Variants in DAAM2 observed in about 807,000 individuals in gnomAD.
DAAM2 encodes disheveled-associated activator of morphogenesis 2.
In DAAM2, 39 loss-of-function variants were observed where a neutral mutation model predicts 120.7. The observed-to-expected ratio is 0.32, with a 90% CI of 0.25 to 0.42. The LOEUF (loss-of-function observed/expected upper bound fraction) is 0.42. Among genes scored for constraint, DAAM2 ranks in the 10% least tolerant of loss-of-function variants. The probability of loss-of-function intolerance (pLI) is 1.00; values close to 1 mark genes in which losing one functional copy is unlikely to be tolerated. For synonymous variants in DAAM2, 488 were observed against 524.9 expected, an observed-to-expected ratio of 0.93 and a Z score of 0.96; for missense variants, 1,283 against 1,401.7, an observed-to-expected ratio of 0.92 and a Z score of 1.35.
chr6:39,826,385 A>G (rs1350119808), intron 1 of DAAM2, among the ~76,000 whole-genome samples: 1 of 152,094 alleles, frequency 6.6e-6, no homozygotes, highest in African/African-American at 2.4e-5. Context: ...GGGCTATTCT[A>G]GGAAAGCAAG....
intron 1 of DAAM2, among the ~76,000 whole-genome samples, chr6:39,806,596 C>T (rs1762015379): frequency 6.6e-6 from 1 of 152,150 alleles, no homozygotes; most frequent in Non-Finnish European, 1.5e-5. Context: ...TGTCTCATAG[C>T]CAGGATGCAA....
intron 1 of DAAM2, among the ~76,000 whole-genome samples, chr6:39,843,855 T>C (rs1268737474): frequency 2.6e-5 from 4 of 152,130 alleles, no homozygotes; most frequent in Non-Finnish European, 5.9e-5. Context: ...AGATGGGAAG[T>C]GCACCATAGG....
In DAAM2 at chr6:39,879,442, C is replaced by T. The variant is rs1765023864; in HGVS notation, c.1810C>T (p.Pro604Ser). The change falls in exon 14 of 25, where the codon CCA becomes TCA. Residue 604 changes from proline to serine, a missense_variant. Physicochemically the swap from Pro to Ser is moderately conservative, Grantham distance 74. Around this residue, in one of 3 missense-constraint regions of DAAM2, gnomAD observed 748 missense variants for 768.6 expected, o/e 0.97. Transcript: ENST00000274867. Reference protein sequence around the residue: ...RKKRVPQPSHPLKSFNWVKLN... With the variant: ...RKKRVPQPSHSLKSFNWVKLN... Reference sequence around the variant, plus strand: ...AAAGCGTGTCCCCCAGCCTTCTCACCCACTGAAGTCCTTCAACTGGGTGAA... The same window carrying T: ...AAAGCGTGTCCCCCAGCCTTCTCACTCACTGAAGTCCTTCAACTGGGTGAA... The T allele has an allele frequency of 5.0e-6, 8 of 1,614,042 alleles. No individual in the cohort carries two copies. Among genetic ancestry groups the T allele is most frequent in the Non-Finnish European group, 6.8e-6 (8 of 1,179,902 alleles).
At chr6:39,796,912 T>C (rs1394117488) in intron 1 of DAAM2, among the ~76,000 whole-genome samples, 1 of 152,200 alleles carries the variant, frequency 6.6e-6, no homozygotes, top group Non-Finnish European at 1.5e-5. Flanking sequence ...GCTAGCAAAC[T>C]GCTCAGTAAA....
At chr6:39,796,458 G>A (rs1761701851) in intron 1 of DAAM2, among the ~76,000 whole-genome samples, 1 of 151,662 alleles carries the variant, frequency 6.6e-6, no homozygotes. Flanking sequence ...TTTGTTTTTT[G>A]TTTCATTATG....
chr6:39,842,933 G>C (rs781553567), intron 1 of DAAM2, among the ~76,000 whole-genome samples: 15 of 152,196 alleles, frequency 9.9e-5, no homozygotes, highest in Admixed American at 7.9e-4. Context: ...ATGTTTCAAA[G>C]CTAAAATAGT....
In DAAM2 at chr6:39,810,179, CG is replaced by C. The variant is rs1266708684; in HGVS notation, c.-57+17720del. On this transcript the variant is annotated intron_variant, in intron 1 of 24. Transcript: ENST00000274867. ...AGAGGTCCCAAACTGCAGTGGAGTC[CG>C]GGGGGAAGCTGAACATTTTTTAATT... Among the ~76,000 whole-genome samples the C allele has an allele frequency of 3.9e-5, 6 of 152,032 alleles. No individual in the cohort carries two copies. In the South Asian group the frequency reaches 1.0e-3, roughly 26 times the overall value.
intron 14 of DAAM2, among the ~76,000 whole-genome samples, chr6:39,880,518 C>T (rs1765071091): frequency 6.6e-6 from 1 of 152,158 alleles, no homozygotes; most frequent in Non-Finnish European, 1.5e-5. Context: ...CCTCTCAGAG[C>T]TTAGGATCTG....
In DAAM2 at chr6:39,879,428, C is replaced by T. The variant is rs758299573; in HGVS notation, c.1796C>T (p.Pro599Leu). The part of the protein sequence containing the change: ...SDVPLRKKRV[P>L]QPSHPLKSFN... ...GTCCCACTCAGGAAAAAGCGTGTCCCCCAGCCTTCTCACCCACTGAAGTCC... is the reference window on the plus strand; with the variant it reads ...GTCCCACTCAGGAAAAAGCGTGTCCTCCAGCCTTCTCACCCACTGAAGTCC... Residue 599 changes from proline to leucine, a missense_variant, in exon 14 of 25, where the codon CCC (proline) becomes CTC (leucine). Physicochemically the swap from Pro to Leu is moderately conservative, Grantham distance 98. Around this residue, in one of 3 missense-constraint regions of DAAM2, gnomAD observed 748 missense variants for 768.6 expected, o/e 0.97. Transcript: ENST00000274867. The T allele has an allele frequency of 3.1e-6, 5 of 1,613,892 alleles. No individual in the cohort carries two copies. Among genetic ancestry groups the T allele is most frequent in the Non-Finnish European group, 4.2e-6 (5 of 1,179,898 alleles).
At chr6:39,830,845 T>A (rs1298310964) in intron 1 of DAAM2, among the ~76,000 whole-genome samples, 2 of 152,172 alleles carry the variant, frequency 1.3e-5, no homozygotes, top group Non-Finnish European at 2.9e-5. Flanking sequence ...GGCCCTGCAG[T>A]CCGGACCAGC....
chr6:39,901,256 C>A lies in DAAM2; in HGVS notation c.2812-46C>A. ...AGCTAACCTCAGGGGCTGAGCCCAG[C>A]ATGCTCCAGGGCACTCTCCACCAAT... On this transcript the variant is annotated intron_variant, in intron 23 of 24. Transcript: ENST00000274867. This position sits in a 1 kb window ranked among gnomAD's most constrained non-coding sequence, Gnocchi z 4.5. 1 of 1,556,348 alleles carries A rather than the reference C, an allele frequency of 6.4e-7. No individual in the cohort carries two copies. The highest frequency in any genetic ancestry group is 8.8e-7 in the Non-Finnish European group (1 of 1,136,962).
chr6:39,894,347 A>G (rs958665532), intron 19 of DAAM2, among the ~76,000 whole-genome samples: 23 of 152,244 alleles, frequency 1.5e-4, no homozygotes, highest in Non-Finnish European at 3.1e-4. Context: ...ATAAATTGCC[A>G]GAAACTTTCC....
chr6:39,837,361 T>A (rs1166325936), intron 1 of DAAM2, among the ~76,000 whole-genome samples: 2 of 151,710 alleles, frequency 1.3e-5, no homozygotes, highest in Admixed American at 1.3e-4. Flanking sequence ...ATATTAGGAG[T>A]GCATTTGGCC....
At chr6:39,871,461 T>A in intron 8 of DAAM2, 45 bp from the exon 9 acceptor site, 1 of 1,520,976 alleles carries the variant, frequency 6.6e-7, no homozygotes. Flanking sequence ...CAAGGGTGTG[T>A]CCTGGCTGTA....
At chr6:39,815,287 G>A (rs984066858) in intron 1 of DAAM2, among the ~76,000 whole-genome samples, 4 of 152,102 alleles carry the variant, frequency 2.6e-5, no homozygotes, top group African/African-American at 9.7e-5. Context: ...CACTGAATTC[G>A]TTAAGATTAT....
chr6:39,809,920 G>A (rs1561996898), intron 1 of DAAM2, among the ~76,000 whole-genome samples: 2 of 152,232 alleles, frequency 1.3e-5, no homozygotes, highest in East Asian at 1.9e-4. Flanking sequence ...GTGCCATCAG[G>A]GACCCAGGCT....
chr6:39,843,013 A>G (rs528997962), intron 1 of DAAM2, among the ~76,000 whole-genome samples: 30 of 152,342 alleles, frequency 2.0e-4, no homozygotes, highest in African/African-American at 7.0e-4. Flanking sequence ...ATGTCATCAC[A>G]TTGATGATAT....
At chr6:39,873,382 C>G (rs757200622) in intron 10 of DAAM2, 27 bp downstream of exon 10, 6 of 1,491,374 alleles carry the variant, frequency 4.0e-6, no homozygotes, top group Non-Finnish European at 5.6e-6. Flanking sequence ...TGCTGCTTCC[C>G]TCGACTGGCC....
At chr6:39,844,828 C>T (rs1172463893) in intron 1 of DAAM2, among the ~76,000 whole-genome samples, 4 of 149,232 alleles carry the variant, frequency 2.7e-5, no homozygotes, top group East Asian at 2.1e-4. Context: ...ATTTGGAAGT[C>T]GGTACAAGCA....
Sources: allele counts gnomAD v4.1 joint callset (sites outside exome capture counted in the v4.1 genomes callset), GRCh38; gene constraint gnomAD v4.1.1; regional missense constraint gnomAD v4.1.1; non-coding constraint Gnocchi (gnomAD v3.1); transcripts MANE v1.5; gene names NCBI Gene and HGNC (gene_info 2026-07-23, HGNC 2026-07-21).